The following UBE2E2 variants were observed in gnomAD, a reference collection of about 807,000 sequenced individuals.
UBE2E2 encodes the protein ubiquitin conjugating enzyme E2 E2.
Under a neutral mutation model 24.7 loss-of-function variants are expected in UBE2E2, and 6 were observed. That is an observed-to-expected ratio of 0.24 (90% confidence interval 0.13 to 0.48). The LOEUF (loss-of-function observed/expected upper bound fraction) is 0.48, where lower values mean the gene tolerates loss of function less well. UBE2E2 is among the 20% of genes least tolerant of loss of function. UBE2E2 has a pLI of 0.99. For synonymous variants in UBE2E2, 104 were observed against 83.6 expected (o/e 1.24, Z -1.33); for missense variants, 169 against 245.0 (o/e 0.69, Z 2.07).
At chr3:23,254,617 C>T (rs938958278) in intron 3 of UBE2E2, among the ~76,000 whole-genome samples, 1 of 152,120 alleles carries the variant, frequency 6.6e-6, no homozygotes, top group Non-Finnish European at 1.5e-5. Context: ...AATTCCTATT[C>T]ACAAAATTCT....
intron 3 of UBE2E2, among the ~76,000 whole-genome samples, chr3:23,311,828 G>A (rs758180658): frequency 2.7e-4 from 41 of 152,164 alleles, no homozygotes; most frequent in Admixed American, 2.4e-3. Flanking sequence ...CAAGGTAAAT[G>A]TGGTATCCAT....
intron 3 of UBE2E2, among the ~76,000 whole-genome samples, chr3:23,255,785 G>A (rs545163473): frequency 1.3e-5 from 2 of 152,220 alleles, no homozygotes; most frequent in African/African-American, 2.4e-5. Flanking sequence ...CAGTATCTGG[G>A]AATAATCATA....
rs146133349 is a variant in UBE2E2 at position 23,508,287 on chromosome 3, A to T, written c.360+8547A>T. ...CCAGCCACCACCTACAATTACCACC[A>T]GTTTAGTAATTACTAAGAAGTAGGA... is the stretch of plus-strand genomic sequence containing the variant. On this transcript the variant is annotated intron_variant, in intron 4 of 5. Transcript: ENST00000396703. Among the ~76,000 whole-genome samples, 667 of 152,354 alleles carry T rather than the reference A, an allele frequency of 4.4e-3. 10 individuals are homozygous for T. Among genetic ancestry groups the T allele is most frequent in the Admixed American group, 0.036 (555 of 15,306 alleles).
intron 3 of UBE2E2, among the ~76,000 whole-genome samples, chr3:23,351,671 C>G (rs1370438611): frequency 6.6e-6 from 1 of 152,174 alleles, no homozygotes; most frequent in East Asian, 1.9e-4. Flanking sequence ...ATCAATTCAA[C>G]AAGAAGAGCT....
chr3:23,296,922 C>A (rs981853622), intron 3 of UBE2E2, among the ~76,000 whole-genome samples: 6 of 152,188 alleles, frequency 3.9e-5, no homozygotes, highest in African/African-American at 1.4e-4. Flanking sequence ...TACAGTCCCA[C>A]CAACAGTGTA....
chr3:23,515,157 A>G (rs1310871130), intron 4 of UBE2E2, among the ~76,000 whole-genome samples: 3 of 151,454 alleles, frequency 2.0e-5, no homozygotes, highest in African/African-American at 7.3e-5. Context: ...GTGTGTGTAC[A>G]TATATATAGA....
rs565856014 is a variant in UBE2E2 at position 23,589,646 on chromosome 3, C to T, written c.509-88C>T. ...GGTTAGAACAGCAGCTTCTCATCTC[C>T]TACCCTCCCACTCCTTGCCAGCTTT... On this transcript the variant is annotated intron_variant, in intron 5 of 5. Transcript: ENST00000396703. This position sits in a 1 kb window ranked among gnomAD's most constrained non-coding sequence, Gnocchi z 4.1. The T allele has an allele frequency of 1.5e-6, 2 of 1,375,616 alleles. No individual in the cohort carries two copies. The highest frequency in any genetic ancestry group is 4.6e-5 in the East Asian group (2 of 43,054). The allele number at this position is 1,375,616 out of a possible 1,614,324, so 85.2% of individuals were successfully genotyped here. A position where few individuals can be genotyped will look rare whatever the true frequency, so the allele number is the denominator to read the frequency against.
intron 3 of UBE2E2, among the ~76,000 whole-genome samples, chr3:23,358,579 C>T (rs1313336468): frequency 6.6e-6 from 1 of 152,068 alleles, no homozygotes; most frequent in African/African-American, 2.4e-5. Context: ...TTGAAAAAAA[C>T]AATCTGAGAA....
intron 4 of UBE2E2, among the ~76,000 whole-genome samples, chr3:23,522,303 T>C (rs1694887421): frequency 6.6e-6 from 1 of 151,946 alleles, no homozygotes; most frequent in African/African-American, 2.4e-5. Flanking sequence ...GCTAATTTTG[T>C]GCATTTTTAG....
intron 3 of UBE2E2, among the ~76,000 whole-genome samples, chr3:23,464,176 A>G (rs982181628): frequency 1.3e-5 from 2 of 152,098 alleles, no homozygotes; most frequent in Non-Finnish European, 2.9e-5. Context: ...CCAAAACCTG[A>G]CCCCCGAAAT....
At chr3:23,231,015 G>A (rs1696961730) in intron 3 of UBE2E2, among the ~76,000 whole-genome samples, 1 of 152,026 alleles carries the variant, frequency 6.6e-6, no homozygotes, top group Non-Finnish European at 1.5e-5. Context: ...AGAAATAATG[G>A]GAGACATCAG....
intron 3 of UBE2E2, among the ~76,000 whole-genome samples, chr3:23,348,770 C>T (rs891920740): frequency 1.3e-5 from 2 of 152,068 alleles, no homozygotes; most frequent in Non-Finnish European, 2.9e-5. Flanking sequence ...AAAGAGTAAT[C>T]CCTAAAACTG....
intron 3 of UBE2E2, among the ~76,000 whole-genome samples, chr3:23,382,859 ATG>A: frequency 6.6e-6 from 1 of 152,214 alleles, no homozygotes; most frequent in African/African-American, 2.4e-5. Flanking sequence ...CATGAAGGGA[ATG>A]ACAGTTTTTA....
chr3:23,343,313 C>T (rs1162449585), intron 3 of UBE2E2, among the ~76,000 whole-genome samples: 2 of 151,894 alleles, frequency 1.3e-5, no homozygotes, highest in East Asian at 1.9e-4. Flanking sequence ...CAGTGGCTCA[C>T]GCGTGTAATC....
intron 5 of UBE2E2, among the ~76,000 whole-genome samples, chr3:23,561,595 C>T (rs78313481): frequency 0.06 from 9,145 of 151,470 alleles, 449 homozygotes; most frequent in Non-Finnish European, 0.087. Context: ...GTAGTTTTTT[C>T]CAATTCTGTG....
chr3:23,588,062 ATT>A (rs1346455589), intron 5 of UBE2E2, among the ~76,000 whole-genome samples: 2 of 152,212 alleles, frequency 1.3e-5, no homozygotes, highest in Non-Finnish European at 2.9e-5. Flanking sequence ...TGGTGTTTCT[ATT>A]ATACCTTTCA....
intron 3 of UBE2E2, among the ~76,000 whole-genome samples, chr3:23,448,150 C>T (rs540878935): frequency 6.6e-6 from 1 of 152,112 alleles, no homozygotes; most frequent in Non-Finnish European, 1.5e-5. Flanking sequence ...TTAGGGTAGA[C>T]AGGAAGTCTA....
chr3:23,240,537 G>A (rs1334907394), intron 3 of UBE2E2, among the ~76,000 whole-genome samples: 1 of 152,158 alleles, frequency 6.6e-6, no homozygotes, highest in Non-Finnish European at 1.5e-5. Flanking sequence ...TCTGCCATGA[G>A]GTATCTTTGT....
At chr3:23,264,725 G>C (rs1697997254) in intron 3 of UBE2E2, among the ~76,000 whole-genome samples, 1 of 152,130 alleles carries the variant, frequency 6.6e-6, no homozygotes, top group Admixed American at 6.6e-5. Flanking sequence ...TCAATCCTTG[G>C]TTTTGTATAT....
Sources: gnomAD v4.1 joint callset for allele counts (sites outside exome capture counted in the v4.1 genomes callset) on GRCh38, gnomAD v4.1.1 for gene constraint, Gnocchi (gnomAD v3.1) non-coding constraint, MANE v1.5 for transcripts, NCBI Gene and HGNC (gene_info 2026-07-23, HGNC 2026-07-21) for gene names.